CC2D2B: variants seen among roughly 807,000 people sequenced by gnomAD.
The protein encoded by CC2D2B is coiled-coil and C2 domain containing 2B.
In CC2D2B, 128 loss-of-function variants were observed where a neutral mutation model predicts 161.2. The observed-to-expected ratio is 0.79, with a 90% CI of 0.69 to 0.92. CC2D2B has a LOEUF of 0.92. Ranked by LOEUF, CC2D2B falls within the 40% of genes least tolerant of loss-of-function variation. The pLI is 0.00. For missense variants in CC2D2B, 1,173 were observed against 1,375.1 expected (o/e 0.85, Z 2.32); for synonymous variants, 391 against 449.8 (o/e 0.87, Z 1.65).
At chr10:95,938,534 C>T in intron 7 of CC2D2B, 35 bp from the exon 8 acceptor site, 2 of 659,226 alleles carry the variant, frequency 3.0e-6, no homozygotes, top group South Asian at 1.8e-5. Context: ...ATATTTTGGA[C>T]TTTAAAGTAA....
At chr10:95,920,690 T>A (rs2098525311) in intron 2 of CC2D2B, 1 of 152,114 alleles carries the variant, frequency 6.6e-6, no homozygotes, top group Non-Finnish European at 1.5e-5. Flanking sequence ...TCGCCCAAGG[T>A]CGTGGTGACT....
intron 25 of CC2D2B, among the ~76,000 whole-genome samples, chr10:96,004,846 G>A (rs187590353): frequency 2.0e-5 from 3 of 152,238 alleles, no homozygotes; most frequent in Admixed American, 6.5e-5. Context: ...TAATAGAAAC[G>A]TTTTCCAAAT....
At chr10:95,909,612 A>G (rs2141083800) in intron 1 of CC2D2B, among the ~76,000 whole-genome samples, 1 of 152,332 alleles carries the variant, frequency 6.6e-6, no homozygotes, top group African/African-American at 2.4e-5. Context: ...GAGCCAGGGG[A>G]AGATTAAAGG....
At chr10:95,960,703 G>A (rs1432384729) in intron 11 of CC2D2B, among the ~76,000 whole-genome samples, 2 of 152,042 alleles carry the variant, frequency 1.3e-5, no homozygotes, top group African/African-American at 2.4e-5. Flanking sequence ...TGTAGAGACA[G>A]GGTTTCACCA....
At chr10:95,999,765 T>A (rs1433140066) in intron 24 of CC2D2B, 8 of 233,962 alleles carry the variant, frequency 3.4e-5, no homozygotes, top group South Asian at 6.8e-5. Context: ...TTTTTTTTTT[T>A]AACACCAATT....
rs566532492 is a variant in CC2D2B, at chr10:95,958,056, C to CA, written c.1109+2576dup. ...AAGAATAAATCAACAGAAACTATGCCAAAAAAAAAAACCTACTAGATAAAG... is the reference window on the plus strand; with the variant it reads ...AAGAATAAATCAACAGAAACTATGCCAAAAAAAAAAAACCTACTAGATAAAG... On this transcript the variant is annotated intron_variant, in intron 11 of 34. Coordinates refer to ENST00000646931, the MANE Select transcript of CC2D2B (RefSeq NM_001349008.3). Among the ~76,000 whole-genome samples the CA allele has an allele frequency of 2.1e-3, 295 of 137,424 alleles. 1 individual carries two copies. The highest frequency in any genetic ancestry group is 6.5e-3 in the East Asian group (31 of 4,806). 90.2% of individuals were successfully genotyped at this position (137,424 alleles called of 152,430 possible).
At chr10:95,929,086 G>A (rs368385877) in intron 6 of CC2D2B, among the ~76,000 whole-genome samples, 23 of 152,122 alleles carry the variant, frequency 1.5e-4, no homozygotes, top group Middle Eastern at 3.4e-3. Context: ...TTTAATGATC[G>A]CCATTCTAAC....
chr10:96,004,635 G>A (rs903702417), intron 25 of CC2D2B, among the ~76,000 whole-genome samples: 6 of 152,134 alleles, frequency 3.9e-5, no homozygotes, highest in African/African-American at 1.4e-4. Context: ...TTATTCCTAA[G>A]GCTAAAATTC....
At chr10:96,025,156 T>A (rs2901893) in intron 33 of CC2D2B, among the ~76,000 whole-genome samples, 34,242 of 57,278 alleles carry the variant, frequency 0.6, 7,386 homozygotes, top group Middle Eastern at 0.7. Context: ...TAAAAAAAAA[T>A]ATATATATAT....
At chr10:95,964,290 G>A (rs935546060) in intron 12 of CC2D2B, among the ~76,000 whole-genome samples, 3 of 152,082 alleles carry the variant, frequency 2.0e-5, no homozygotes, top group African/African-American at 7.2e-5. Context: ...AACACCTATT[G>A]TCTAAGTTAC....
intron 17 of CC2D2B, among the ~76,000 whole-genome samples, chr10:95,979,057 C>T (rs2077416413): frequency 6.6e-6 from 1 of 151,948 alleles, no homozygotes; most frequent in Admixed American, 6.6e-5. Flanking sequence ...TAGTTGATAA[C>T]TGTTGATTAT....
chr10:95,983,024 G>C (rs539216966), intron 18 of CC2D2B, among the ~76,000 whole-genome samples: 1 of 152,030 alleles, frequency 6.6e-6, no homozygotes, highest in Non-Finnish European at 1.5e-5. Context: ...CACCTGCCAT[G>C]GCCTCCCAAA....
chr10:95,940,088 G>A (rs67549878), intron 9 of CC2D2B, among the ~76,000 whole-genome samples: 36,113 of 152,024 alleles, frequency 0.24, 5,070 homozygotes, highest in East Asian at 0.63. Flanking sequence ...CAGGAAACTT[G>A]CAGTCATGGT....
chr10:95,969,745 C>T (rs544466274), intron 15 of CC2D2B, among the ~76,000 whole-genome samples: 1 of 151,964 alleles, frequency 6.6e-6, no homozygotes, highest in Non-Finnish European at 1.5e-5. Context: ...ACTTTCCACA[C>T]TGAATTCCTA....
At chr10:95,935,606 C>G (rs2075794807) in intron 6 of CC2D2B, among the ~76,000 whole-genome samples, 1 of 151,752 alleles carries the variant, frequency 6.6e-6, no homozygotes, top group Non-Finnish European at 1.5e-5. Context: ...TTTCACTACT[C>G]TCCTCTCTGT....
intron 24 of CC2D2B, among the ~76,000 whole-genome samples, chr10:95,998,324 A>G (rs2078312867): frequency 6.6e-6 from 1 of 152,166 alleles, no homozygotes; most frequent in Non-Finnish European, 1.5e-5. Flanking sequence ...TGTACATTCT[A>G]TAGGTTTTGA....
intron 21 of CC2D2B, among the ~76,000 whole-genome samples, chr10:95,992,302 G>A (rs12776055): frequency 0.017 from 2,577 of 152,206 alleles, 21 homozygotes; most frequent in Non-Finnish European, 0.026. Context: ...GTACCCAAGG[G>A]GCAAGGAGCA....
In CC2D2B at chr10:95,924,792, A is replaced by G; in HGVS notation, c.188A>G (p.Glu63Gly). 6.5e-7 allele frequency: 1 copy of G among 1,541,190 alleles called. No homozygotes were observed. The highest frequency in any genetic ancestry group is 8.8e-7 in the Non-Finnish European group (1 of 1,137,804). The part of the protein sequence containing the change: ...KLKISKINKG[E>G]KSSTEQLIDS... ...GTTGTGTTTCAGATTAATAAAGGTGAAAAATCTTCAACTGAGCAGCTCATT... is the reference window on the plus strand; with the variant it reads ...GTTGTGTTTCAGATTAATAAAGGTGGAAAATCTTCAACTGAGCAGCTCATT... The change falls in exon 5 of 35, where the codon GAA becomes GGA. Residue 63 changes from glutamate (E) to glycine (G), a missense_variant. By Grantham distance (98) the Glu-to-Gly change is moderately conservative. Coordinates refer to ENST00000646931, the MANE Select transcript of CC2D2B (RefSeq NM_001349008.3).
At chr10:95,939,386 C>A (rs978125923) in intron 9 of CC2D2B, among the ~76,000 whole-genome samples, 3 of 152,052 alleles carry the variant, frequency 2.0e-5, no homozygotes, top group African/African-American at 7.2e-5. Context: ...ATTAACCATT[C>A]TTTTATTGAT....
Sources: gnomAD v4.1 joint callset for allele counts (sites outside exome capture counted in the v4.1 genomes callset) on GRCh38, gnomAD v4.1.1 for gene constraint, MANE v1.5 for transcripts, NCBI Gene and HGNC (gene_info 2026-07-23, HGNC 2026-07-21) for gene names.